GNA13: variants seen among roughly 807,000 people sequenced by gnomAD.
GNA13 encodes the protein G protein subunit alpha 13, also known as guanine nucleotide-binding protein subunit alpha-13.
GNA13 carries 4 observed loss-of-function variants against 33.5 expected under a neutral mutation model. That is an observed-to-expected ratio of 0.12 (90% confidence interval 0.06 to 0.27). The LOEUF (loss-of-function observed/expected upper bound fraction) is 0.27, where lower values mean the gene tolerates loss of function less well. GNA13 is among the 10% of genes least tolerant of loss of function. The pLI, the probability that GNA13 is intolerant of heterozygous loss-of-function variation, is 1.00. For missense variants in GNA13, 319 were observed against 487.2 expected (o/e 0.65, Z 3.25); for synonymous variants, 176 against 183.8 (o/e 0.96, Z 0.34).
chr17:65,046,505 C>T (rs955375941), intron 2 of GNA13, among the ~76,000 whole-genome samples: 6 of 152,066 alleles, frequency 3.9e-5, no homozygotes, highest in Admixed American at 3.3e-4. Flanking sequence ...TTGGCCAGGC[C>T]GTTCTGGAAT....
intron 2 of GNA13, among the ~76,000 whole-genome samples, chr17:65,043,953 T>A (rs1907558165): frequency 6.6e-6 from 1 of 151,934 alleles, no homozygotes; most frequent in Non-Finnish European, 1.5e-5. Context: ...GAGACCTCAT[T>A]TCTGAAAATA....
At chr17:65,025,836 A>G (rs972269395) in intron 2 of GNA13, among the ~76,000 whole-genome samples, 249 of 125,080 alleles carry the variant, frequency 2.0e-3, no homozygotes, top group Non-Finnish European at 3.0e-3. Flanking sequence ...AAAAAAAAAA[A>G]TTAGCCGGGT....
intron 1 of GNA13, among the ~76,000 whole-genome samples, chr17:65,055,057 T>G (rs1279638500): frequency 1.4e-5 from 2 of 140,320 alleles, no homozygotes; most frequent in Non-Finnish European, 3.1e-5. Context: ...CGGGAGGCGG[T>G]TGGCGGGGAG....
At chr17:65,037,776 T>C (rs1304046091) in intron 2 of GNA13, among the ~76,000 whole-genome samples, 5 of 902 alleles carry the variant, frequency 5.5e-3, no homozygotes, top group African/African-American at 0.011. Context: ...TCTACAAAAA[T>C]GGAAAAAAAA....
chr17:65,031,896 A>AAGAGAGAGAG (rs1292025516), intron 2 of GNA13, among the ~76,000 whole-genome samples: 13 of 71,410 alleles, frequency 1.8e-4, no homozygotes, highest in Admixed American at 6.2e-4. Context: ...GAGAGAGAGA[A>AAGAGAGAGAG]AGAGAGAGAG....
chr17:65,027,889 G>A (rs1906851838), intron 2 of GNA13, among the ~76,000 whole-genome samples: 1 of 152,176 alleles, frequency 6.6e-6, no homozygotes, highest in African/African-American at 2.4e-5. Context: ...CAGATTACTT[G>A]AGGCCAGGAG....
At chr17:65,051,649 C>T (rs1811420287) in intron 2 of GNA13, among the ~76,000 whole-genome samples, 1 of 151,866 alleles carries the variant, frequency 6.6e-6, no homozygotes, top group Non-Finnish European at 1.5e-5. Flanking sequence ...GAGTGATGGG[C>T]GATGGAAAGG....
At chr17:65,035,545 TA>T (rs1257446961) in intron 2 of GNA13, among the ~76,000 whole-genome samples, 1 of 152,192 alleles carries the variant, frequency 6.6e-6, no homozygotes, top group Admixed American at 6.5e-5. Flanking sequence ...TTTAAAATTT[TA>T]AACTTAAAAA....
At chr17:65,034,052 A>C (rs950629549) in intron 2 of GNA13, among the ~76,000 whole-genome samples, 2 of 149,868 alleles carry the variant, frequency 1.3e-5, no homozygotes, top group African/African-American at 2.4e-5. Context: ...AAAAGAACCA[A>C]AATTAGTCAG....
intron 2 of GNA13, among the ~76,000 whole-genome samples, chr17:65,041,864 T>C (rs1907465936): frequency 6.6e-6 from 1 of 152,204 alleles, no homozygotes. Context: ...TAATTCTGGC[T>C]ACAAATGTCA....
Position 65,053,697 on chromosome 17 carries a change from C to T in GNA13, c.315G>A (p.Lys105=). 1 of 1,613,586 alleles carries T rather than the reference C, an allele frequency of 6.2e-7. No homozygotes were observed. Among genetic ancestry groups the T allele is most frequent in the Non-Finnish European group, 8.5e-7 (1 of 1,179,574 alleles). ...GMRVLVDARE[K]LHIPWGDNSN... ...AGTTGTCTCCCCAGGGAATATGAAGCTTCTCTCGAGCATCAACCAGCACCC... is the reference window on the plus strand; with the variant it reads ...AGTTGTCTCCCCAGGGAATATGAAGTTTCTCTCGAGCATCAACCAGCACCC... Residue 105 remains lysine, a synonymous_variant, in exon 2 of 4, where the codon AAG becomes AAA. Coordinates refer to ENST00000439174, the MANE Select transcript of GNA13 (RefSeq NM_006572.6).
chr17:65,019,050 G>A (rs1435259191), intron 2 of GNA13, among the ~76,000 whole-genome samples: 3 of 152,092 alleles, frequency 2.0e-5, no homozygotes, highest in Non-Finnish European at 2.9e-5. Flanking sequence ...ACTTTCCCGC[G>A]GGATTCTACA....
intron 2 of GNA13, among the ~76,000 whole-genome samples, chr17:65,048,776 T>C (rs1466711743): frequency 6.6e-6 from 1 of 152,256 alleles, no homozygotes. Flanking sequence ...TTGTTCATCT[T>C]AGGCAAAATG....
At chr17:65,056,249 G>GCCCCCCCCCCCCCCCC in intron 1 of GNA13, 62 bp downstream of exon 1, 3 of 774,832 alleles carry the variant, frequency 3.9e-6, no homozygotes, top group Non-Finnish European at 5.9e-6. Context: ...GCCCCGCCCC[G>GCCCCCCCCCCCCCCCC]CACCCGCCGC....
At chr17:65,029,943 G>C (rs968693102) in intron 2 of GNA13, among the ~76,000 whole-genome samples, 2 of 151,998 alleles carry the variant, frequency 1.3e-5, no homozygotes, top group African/African-American at 4.8e-5. Context: ...AGACAGAAAA[G>C]AGATCAACTC....
intron 2 of GNA13, among the ~76,000 whole-genome samples, chr17:65,042,304 G>A (rs1907485056): frequency 6.7e-6 from 1 of 150,340 alleles, no homozygotes; most frequent in African/African-American, 2.5e-5. Flanking sequence ...GTTGCCATGA[G>A]CTGAGATCAG....
At chr17:65,045,084 G>A (rs954436833) in intron 2 of GNA13, among the ~76,000 whole-genome samples, 1 of 151,678 alleles carries the variant, frequency 6.6e-6, no homozygotes, top group South Asian at 2.1e-4. Context: ...AAGTGTTCTG[G>A]TGTCCCCTTC....
In GNA13 at chr17:65,025,859, G is replaced by A. The variant is rs942674198; in HGVS notation, c.511-7556C>T. ...AAATTAGCCGGGTGTGGTGGTGCACGCCTGTGGTCCCAGCTATTTGGGAGG... is the reference window on the plus strand; with the variant it reads ...AAATTAGCCGGGTGTGGTGGTGCACACCTGTGGTCCCAGCTATTTGGGAGG... On this transcript the variant is annotated intron_variant, in intron 2 of 3. Transcript: ENST00000439174. Among the ~76,000 whole-genome samples the A allele has an allele frequency of 4.0e-5, 6 of 150,464 alleles. No homozygotes were observed. The East Asian group carries it at 1.2e-3, about 29-fold the overall frequency.
intron 2 of GNA13, among the ~76,000 whole-genome samples, chr17:65,035,432 TA>T (rs1252206081): frequency 6.6e-6 from 1 of 152,174 alleles, no homozygotes; most frequent in Non-Finnish European, 1.5e-5. Flanking sequence ...TCCAATATCG[TA>T]TTCAAATACT....
Sources: gnomAD v4.1 joint callset for allele counts (sites outside exome capture counted in the v4.1 genomes callset) on GRCh38, gnomAD v4.1.1 for gene constraint, MANE v1.5 for transcripts, NCBI Gene and HGNC (gene_info 2026-07-23, HGNC 2026-07-21) for gene names.